Variants in GALNTL6 observed in about 807,000 individuals in gnomAD.
The protein encoded by GALNTL6 is polypeptide N-acetylgalactosaminyltransferase like 6.
In GALNTL6, 46 loss-of-function variants were observed where a neutral mutation model predicts 73.7. The observed-to-expected ratio is 0.62, with a 90% CI of 0.49 to 0.80. The LOEUF (loss-of-function observed/expected upper bound fraction) is 0.80, where lower values mean the gene tolerates loss of function less well. GALNTL6 is among the 30% of genes least tolerant of loss of function. The pLI is 0.00. For synonymous variants in GALNTL6, 259 were observed against 263.7 expected (o/e 0.98, Z 0.17); for missense variants, 604 against 755.0 (o/e 0.80, Z 2.34).
intron 2 of GALNTL6, among the ~76,000 whole-genome samples, chr4:171,845,106 C>T (rs933417325): frequency 6.6e-6 from 1 of 152,126 alleles, no homozygotes; most frequent in African/African-American, 2.4e-5. Context: ...AATTCATTTG[C>T]CAAGCAATAG....
intron 2 of GALNTL6, among the ~76,000 whole-genome samples, chr4:172,195,030 G>T (rs904007930): frequency 6.6e-6 from 1 of 151,984 alleles, no homozygotes; most frequent in African/African-American, 2.4e-5. Flanking sequence ...AAGACCCATT[G>T]GCATGCTGTA....
At chr4:172,311,890 A>G in intron 4 of GALNTL6, 138 bp downstream of exon 4, 1 of 573,742 alleles carries the variant, frequency 1.7e-6, no homozygotes, top group Non-Finnish European at 2.9e-6. Flanking sequence ...CTCATATTGC[A>G]TCATCTTAAA....
chr4:172,950,009 A>G (rs940207710), intron 9 of GALNTL6, among the ~76,000 whole-genome samples: 1 of 152,234 alleles, frequency 6.6e-6, no homozygotes, highest in Non-Finnish European at 1.5e-5. Flanking sequence ...AATGCATTTC[A>G]TACAGAATGT....
intron 8 of GALNTL6, among the ~76,000 whole-genome samples, chr4:172,894,458 G>A (rs1561019104): frequency 6.6e-6 from 1 of 151,962 alleles, no homozygotes; most frequent in South Asian, 2.1e-4. Flanking sequence ...TGACCCATTC[G>A]TCATTCAGGG....
chr4:172,176,305 A>G, intron 2 of GALNTL6, among the ~76,000 whole-genome samples: 1 of 116,974 alleles, frequency 8.5e-6, no homozygotes, highest in East Asian at 3.1e-4. Context: ...GCGCCACTGC[A>G]CTCCAACCTG....
At chr4:172,174,786 G>A (rs1295246109) in intron 2 of GALNTL6, among the ~76,000 whole-genome samples, 2 of 152,032 alleles carry the variant, frequency 1.3e-5, no homozygotes, top group African/African-American at 4.8e-5. Flanking sequence ...AGCATACCTC[G>A]AGAAAGATGA....
intron 2 of GALNTL6, among the ~76,000 whole-genome samples, chr4:172,015,310 C>T (rs1741152877): frequency 6.6e-6 from 1 of 151,894 alleles, no homozygotes; most frequent in Admixed American, 6.6e-5. Flanking sequence ...TATATAATGT[C>T]CTTCTTTCTC....
intron 5 of GALNTL6, among the ~76,000 whole-genome samples, chr4:172,522,339 A>C (rs191607533): frequency 6.6e-6 from 1 of 152,302 alleles, no homozygotes; most frequent in East Asian, 1.9e-4. Context: ...ATCTTTAAAC[A>C]TTTAACTTCT....
At chr4:172,133,077 A>C (rs975446976) in intron 2 of GALNTL6, among the ~76,000 whole-genome samples, 5 of 152,246 alleles carry the variant, frequency 3.3e-5, no homozygotes, top group African/African-American at 1.2e-4. Context: ...CAAGTGACTA[A>C]TGAACCAAGC....
chr4:172,690,706 C>T (rs1011530038), intron 5 of GALNTL6, among the ~76,000 whole-genome samples: 1 of 152,122 alleles, frequency 6.6e-6, no homozygotes, highest in Admixed American at 6.6e-5. Context: ...ATAACATTTC[C>T]CAATTAAAAC....
intron 5 of GALNTL6, among the ~76,000 whole-genome samples, chr4:172,472,193 A>C (rs1027570855): frequency 6.6e-6 from 1 of 152,170 alleles, no homozygotes; most frequent in South Asian, 2.1e-4. Context: ...TAAGAGTTGC[A>C]TGGGTCACTC....
intron 5 of GALNTL6, among the ~76,000 whole-genome samples, chr4:172,565,858 C>T (rs1030395861): frequency 2.6e-5 from 4 of 152,020 alleles, no homozygotes; most frequent in Non-Finnish European, 2.9e-5. Context: ...AGGAATTTAT[C>T]CATGTCATCT....
chr4:171,845,087 G>C (rs1193949034), intron 2 of GALNTL6, among the ~76,000 whole-genome samples: 1 of 152,148 alleles, frequency 6.6e-6, no homozygotes, highest in Non-Finnish European at 1.5e-5. Flanking sequence ...ACTGGTTTGT[G>C]TACTAATGAA....
chr4:172,606,669 A>AG (rs1738310006), intron 5 of GALNTL6, among the ~76,000 whole-genome samples: 1 of 46,730 alleles, frequency 2.1e-5, no homozygotes, highest in Admixed American at 3.5e-4. Context: ...TATACTATAT[A>AG]TATATACTAT....
At chr4:172,039,941 A>G (rs868567732) in intron 2 of GALNTL6, among the ~76,000 whole-genome samples, 32 of 152,242 alleles carry the variant, frequency 2.1e-4, no homozygotes, top group Middle Eastern at 6.8e-3. Context: ...GGGCAAAAAA[A>G]AAATTTACTT....
intron 9 of GALNTL6, among the ~76,000 whole-genome samples, chr4:172,944,905 GA>G (rs1749085810): frequency 6.6e-6 from 1 of 151,646 alleles, no homozygotes; most frequent in South Asian, 2.1e-4. Flanking sequence ...AAAAAAATAC[GA>G]AAGTAGCCAG....
intron 8 of GALNTL6, among the ~76,000 whole-genome samples, chr4:172,884,187 C>T (rs570587335): frequency 9.5e-4 from 144 of 152,186 alleles, no homozygotes; most frequent in African/African-American, 3.3e-3. Flanking sequence ...ATTTTGAGGA[C>T]GCTCCATACT....
intron 8 of GALNTL6, among the ~76,000 whole-genome samples, chr4:172,928,321 T>C (rs1428185022): frequency 6.6e-6 from 1 of 152,238 alleles, no homozygotes; most frequent in Non-Finnish European, 1.5e-5. Context: ...TGGCCAGTTA[T>C]GTGGCTTTGA....
chr4:171,923,135 A>G (rs1737845214), intron 2 of GALNTL6, among the ~76,000 whole-genome samples: 1 of 152,182 alleles, frequency 6.6e-6, no homozygotes, highest in South Asian at 2.1e-4. Flanking sequence ...AATATGGAGA[A>G]ACACCAAGTT....
Sources: allele counts gnomAD v4.1 joint callset (sites outside exome capture counted in the v4.1 genomes callset), GRCh38; gene constraint gnomAD v4.1.1; transcripts MANE v1.5; gene names NCBI Gene and HGNC (gene_info 2026-07-23, HGNC 2026-07-21).